The following ERG variants were observed in gnomAD, a reference collection of about 807,000 sequenced individuals.
The protein encoded by ERG is transcriptional regulator ERG.
A neutral mutation model predicts 55.3 loss-of-function variants in ERG; 9 were observed. The ratio of observed to expected loss-of-function variants is 0.16; its 90% CI spans 0.10 to 0.28. The LOEUF (loss-of-function observed/expected upper bound fraction) is 0.28. Ranked by LOEUF, ERG falls within the 10% of genes least tolerant of loss-of-function variation. The pLI, the probability that ERG is intolerant of heterozygous loss-of-function variation, is 1.00. For missense variants in ERG, 434 were observed against 631.6 expected, an observed-to-expected ratio of 0.69 and a Z score of 3.35; for synonymous variants, 223 against 237.3, an observed-to-expected ratio of 0.94 and a Z score of 0.55.
At chr21:38,633,754 C>T (rs2060371220) in intron 1 of ERG, among the ~76,000 whole-genome samples, 1 of 152,054 alleles carries the variant, frequency 6.6e-6, no homozygotes, top group Non-Finnish European at 1.5e-5. Context: ...AGAAAACCAT[C>T]ATCTGCATCT....
At chr21:38,568,386 G>A (rs541493886) in intron 2 of ERG, among the ~76,000 whole-genome samples, 13 of 152,232 alleles carry the variant, frequency 8.5e-5, no homozygotes, top group African/African-American at 2.4e-4. Context: ...TTTATTCCTC[G>A]TGATTCTATG....
chr21:38,642,004 A>T (rs1033620318), intron 1 of ERG, among the ~76,000 whole-genome samples: 32 of 152,244 alleles, frequency 2.1e-4, no homozygotes, highest in African/African-American at 7.7e-4. Flanking sequence ...TAATATAGAA[A>T]ACTAGAAACA....
At chr21:38,499,460 C>G (rs2059404843), upstream of ERG, among the ~76,000 whole-genome samples, 1 of 152,116 alleles carries the variant, frequency 6.6e-6, no homozygotes, top group African/African-American at 2.4e-5. Flanking sequence ...AAACATTTTG[C>G]TTTGAATCTA....
intron 1 of ERG, among the ~76,000 whole-genome samples, chr21:38,607,249 T>G (rs1266051704): frequency 6.6e-6 from 1 of 152,166 alleles, no homozygotes; most frequent in Non-Finnish European, 1.5e-5. Context: ...CCAAAAGATT[T>G]TACTACTTAC....
chr21:38,611,238 C>T (rs1052118871), intron 1 of ERG, among the ~76,000 whole-genome samples: 9 of 152,194 alleles, frequency 5.9e-5, no homozygotes, highest in African/African-American at 2.2e-4. Flanking sequence ...ATGTTAGCTT[C>T]CCATGTTCCC....
intron 1 of ERG, among the ~76,000 whole-genome samples, chr21:38,477,283 C>T (rs1198446625): frequency 1.3e-5 from 2 of 152,164 alleles, no homozygotes; most frequent in Admixed American, 6.5e-5. Context: ...GGATGACAGG[C>T]GTGAGTCACT....
chr21:38,518,284 C>G (rs940483793), intron 2 of ERG, among the ~76,000 whole-genome samples: 1 of 135,334 alleles, frequency 7.4e-6, no homozygotes, highest in East Asian at 2.1e-4. Context: ...ATCTATCTAT[C>G]TATCTATTTA....
chr21:38,420,721 A>G (rs188968392), intron 3 of ERG, among the ~76,000 whole-genome samples: 15 of 152,288 alleles, frequency 9.8e-5, no homozygotes, highest in Admixed American at 2.6e-4. Context: ...CCCTACTGAA[A>G]AGGATATTTA....
chr21:38,491,206 TA>T (rs113260996), intron 1 of ERG, among the ~76,000 whole-genome samples: 54,908 of 124,108 alleles, frequency 0.44, 10,801 homozygotes, highest in Middle Eastern at 0.5. Context: ...CTGTCAAAAT[TA>T]AAAAAAAAAA....
intron 1 of ERG, among the ~76,000 whole-genome samples, chr21:38,582,807 C>T (rs566718953): frequency 5.6e-4 from 85 of 152,076 alleles, no homozygotes; most frequent in African/African-American, 1.9e-3. Flanking sequence ...AGCGCAGTGG[C>T]GCAATCTTGG....
intron 1 of ERG, among the ~76,000 whole-genome samples, chr21:38,640,070 G>T (rs1469454587): frequency 4.6e-5 from 7 of 152,066 alleles, no homozygotes; most frequent in Non-Finnish European, 1.0e-4. Flanking sequence ...GTTCTGCCAA[G>T]GAGTTTAAGG....
At chr21:38,580,943 G>A (rs2060024715) in intron 1 of ERG, among the ~76,000 whole-genome samples, 1 of 152,182 alleles carries the variant, frequency 6.6e-6, no homozygotes, top group Non-Finnish European at 1.5e-5. Context: ...ATTGTGTTCT[G>A]CGGGTTAGGG....
chr21:38,442,738 C>T (rs2058853233), intron 2 of ERG, among the ~76,000 whole-genome samples: 2 of 152,240 alleles, frequency 1.3e-5, no homozygotes. Context: ...TACCAAGGGG[C>T]ATCACAGGCT....
chr21:38,470,136 A>G (rs1194941237), intron 1 of ERG, among the ~76,000 whole-genome samples: 1 of 152,182 alleles, frequency 6.6e-6, no homozygotes, highest in Non-Finnish European at 1.5e-5. Context: ...TGTGTCCTTC[A>G]GTTTCCTCAT....
downstream of ERG, among the ~76,000 whole-genome samples, chr21:38,378,922 AT>A (rs907783926): frequency 5.9e-5 from 9 of 152,166 alleles, no homozygotes; most frequent in African/African-American, 2.2e-4. Flanking sequence ...CTGTCAAGAC[AT>A]TTTTTTAAGT....
At chr21:38,555,712 A>G (rs1288789726) in intron 2 of ERG, among the ~76,000 whole-genome samples, 1 of 152,216 alleles carries the variant, frequency 6.6e-6, no homozygotes, top group African/African-American at 2.4e-5. Context: ...TCATCAGTAC[A>G]CTTCTAATAA....
At chr21:38,631,505 T>C (rs923829222) in intron 1 of ERG, among the ~76,000 whole-genome samples, 1 of 152,148 alleles carries the variant, frequency 6.6e-6, no homozygotes, top group Non-Finnish European at 1.5e-5. Context: ...AGAGATGAAA[T>C]AACTAACAGC....
chr21:38,472,031 T>C (rs1479961985), intron 1 of ERG: 1 of 152,154 alleles, frequency 6.6e-6, no homozygotes, highest in African/African-American at 2.4e-5. Context: ...TTTGATCGTA[T>C]AGCGTGTATG....
At chr21:38,631,110 T>C (rs1382062585) in intron 1 of ERG, among the ~76,000 whole-genome samples, 1 of 152,156 alleles carries the variant, frequency 6.6e-6, no homozygotes, top group Non-Finnish European at 1.5e-5. Flanking sequence ...ATTCCTAATG[T>C]TTCAGGTGGG....
Sources: allele counts gnomAD v4.1 joint callset (sites outside exome capture counted in the v4.1 genomes callset), GRCh38; gene constraint gnomAD v4.1.1; transcripts MANE v1.5; gene names NCBI Gene and HGNC (gene_info 2026-07-23, HGNC 2026-07-21).